Variants in WRNIP1 observed in about 807,000 individuals in gnomAD.
The protein encoded by WRNIP1 is WRN helicase interacting protein 1.
Under a neutral mutation model 56.1 loss-of-function variants are expected in WRNIP1, and 41 were observed. The observed-to-expected ratio is 0.73, with a 90% CI of 0.57 to 0.95. The LOEUF (loss-of-function observed/expected upper bound fraction) is 0.95, where lower values mean the gene tolerates loss of function less well. WRNIP1 is among the 40% of genes least tolerant of loss of function. The pLI is 0.00. For missense variants in WRNIP1, 1,170 were observed against 939.4 expected, an observed-to-expected ratio of 1.25 and a Z score of -3.21; for synonymous variants, 547 against 398.1, an observed-to-expected ratio of 1.37 and a Z score of -4.45.
rs142865401 is a variant in WRNIP1 at position 2,769,301 on chromosome 6, C to CT, written c.1014+420dup. On this transcript the variant is annotated intron_variant, in intron 2 of 6. Transcript: ENST00000380773. Reference sequence around the variant, plus strand: ...TCGGTATTTTCTGTAACTCCAGGCTCTGTCTTCAAGGTGAATGTTGGAAGA... The same window carrying CT: ...TCGGTATTTTCTGTAACTCCAGGCTCTTGTCTTCAAGGTGAATGTTGGAAGA... 3.5e-3 allele frequency among the ~76,000 whole-genome samples: 532 copies of CT among 152,162 alleles called. 2 individuals are homozygous for CT. Among genetic ancestry groups the CT allele is most frequent in the African/African-American group, 0.011 (469 of 41,496 alleles).
At chr6:2,783,956 AG>A (rs1765645617) in intron 5 of WRNIP1, among the ~76,000 whole-genome samples, 1 of 152,188 alleles carries the variant, frequency 6.6e-6, no homozygotes, top group Non-Finnish European at 1.5e-5. Context: ...CACTATATGA[AG>A]AAAAAGATCA....
intron 3 of WRNIP1, chr6:2,773,901 G>A: frequency 1.0e-6 from 1 of 985,306 alleles, no homozygotes; most frequent in Non-Finnish European, 1.2e-6. Context: ...ACAGAAAGTG[G>A]CGTCTGTCCC....
rs1482171489 is a variant in WRNIP1 at position 2,768,703 on chromosome 6, C to G, written c.835C>G (p.His279Asp). ...TCATCTTTTCTAGACCACTCTGGCT[C>G]ACATCATAGCCAGCAACAGCAAGAA... The part of the protein sequence containing the change: ...PPGCGKTTLA[H>D]IIASNSKKHS... Residue 279 changes from histidine (H) to aspartate (D), a missense_variant, in exon 2 of 7, where the codon CAC becomes GAC. Transcript: ENST00000380773. 9 of 1,609,754 alleles carry G rather than the reference C, an allele frequency of 5.6e-6. No homozygotes were observed.
chr6:2,773,818 A>C (rs160666), intron 3 of WRNIP1: 278,746 of 972,898 alleles, frequency 0.29, 40,812 homozygotes, highest in East Asian at 0.37. Context: ...GTCTTTGGAG[A>C]TCAAGAGAGT....
intron 5 of WRNIP1, among the ~76,000 whole-genome samples, chr6:2,783,782 G>A (rs761056866): frequency 1.3e-5 from 2 of 151,934 alleles, no homozygotes; most frequent in Admixed American, 6.6e-5. Context: ...GAATGTTTAT[G>A]TTCATAAAGT....
At chr6:2,771,272 C>T (rs565979330) in intron 3 of WRNIP1, among the ~76,000 whole-genome samples, 1 of 152,330 alleles carries the variant, frequency 6.6e-6, no homozygotes, top group South Asian at 2.1e-4. Flanking sequence ...CAGGCTCTCC[C>T]TATGTGTCTG....
At chr6:2,767,178 G>T (rs758148422) in intron 1 of WRNIP1, among the ~76,000 whole-genome samples, 22 of 152,210 alleles carry the variant, frequency 1.4e-4, no homozygotes, top group Non-Finnish European at 2.8e-4. Flanking sequence ...GATGAGGGCA[G>T]TTAGGATATT....
chr6:2,766,935 G>T (rs1041404781), intron 1 of WRNIP1, among the ~76,000 whole-genome samples: 3 of 152,046 alleles, frequency 2.0e-5, no homozygotes, highest in South Asian at 2.1e-4. Flanking sequence ...TAACAGACTG[G>T]TATTTATTCT....
chr6:2,781,251 A>G (rs568586018), intron 4 of WRNIP1, among the ~76,000 whole-genome samples: 1 of 152,302 alleles, frequency 6.6e-6, no homozygotes, highest in East Asian at 1.9e-4. Context: ...CCTTGTCTAT[A>G]GCTTGGAGCT....
Position 2,784,989 on chromosome 6 carries a change from C to T in WRNIP1, c.1723-18C>T, listed in dbSNP as rs756486694. 4 of 1,612,872 alleles carry T rather than the reference C, an allele frequency of 2.5e-6. No individual in the cohort carries two copies. Among genetic ancestry groups the T allele is most frequent in the Non-Finnish European group, 2.5e-6 (3 of 1,179,402 alleles). Reference sequence around the variant, plus strand: ...TTGGCATCTTGCTAGTAAAATGTGTCCTCTGTGTCATTGGTAGGTGCTTCT... The same window carrying T: ...TTGGCATCTTGCTAGTAAAATGTGTTCTCTGTGTCATTGGTAGGTGCTTCT... On this transcript the variant is annotated intron_variant, in intron 6 of 6. Coordinates refer to ENST00000380773, the MANE Select transcript of WRNIP1 (RefSeq NM_020135.3).
In WRNIP1 at chr6:2,766,312, G is replaced by C; in HGVS notation, c.690G>C (p.Thr230=). Reference sequence around the variant, plus strand: ...TACAGGGCAAGCCGCTGGCCGACACGATGCGTCCTGACACGCTGCAGGATT... The same window carrying C: ...TACAGGGCAAGCCGCTGGCCGACACCATGCGTCCTGACACGCTGCAGGATT... The part of the protein sequence containing the change: ...QMLQGKPLAD[T]MRPDTLQDYF... Residue 230 remains threonine (T), a synonymous_variant, in exon 1 of 7, where the codon ACG becomes ACC. Transcript: ENST00000380773. 1 of 1,609,988 alleles carries C rather than the reference G, an allele frequency of 6.2e-7. No homozygotes were observed. Among genetic ancestry groups the C allele is most frequent in the Non-Finnish European group, 8.5e-7 (1 of 1,178,760 alleles).
At position 2,765,674 on chromosome 6, in the gene WRNIP1, G is replaced by A; in HGVS notation, c.52G>A (p.Val18Met). The change falls in exon 1 of 7, where the codon GTG becomes ATG. Residue 18 changes from valine to methionine, a missense_variant. By Grantham distance (21) the Val-to-Met change is conservative (BLOSUM62 1). Coordinates refer to ENST00000380773, the MANE Select transcript of WRNIP1 (RefSeq NM_020135.3). ...DDPFLSQLHQ[V>M]QCPVCQQMMP... ...CCCCTTCCTTTCGCAGCTGCACCAG[G>A]TGCAGTGCCCCGTGTGCCAGCAGAT... 1.9e-6 allele frequency: 3 copies of A among 1,554,006 alleles called. No homozygotes were observed. The highest frequency in any genetic ancestry group is 2.6e-6 in the Non-Finnish European group (3 of 1,158,298).
In WRNIP1 at chr6:2,785,283, C is replaced by G; in HGVS notation, c.*1C>G. On this transcript the variant is annotated 3_prime_UTR_variant, in exon 7 of 7. Transcript: ENST00000380773. ...TTTCTTCAAGCAGAGGAGGTGCTGA[C>G]TCCTCAGGGCACGACAGCAGAAGGA... is the stretch of plus-strand genomic sequence containing the variant. The G allele has an allele frequency of 6.2e-7, 1 of 1,612,236 alleles. No homozygotes were observed. Among genetic ancestry groups the G allele is most frequent in the South Asian group, 1.1e-5 (1 of 91,068 alleles).
intron 3 of WRNIP1, chr6:2,773,391 G>GA: frequency 1.0e-6 from 1 of 985,384 alleles, no homozygotes. Context: ...CAGAATATGT[G>GA]AAATCCAGTA....
Position 2,768,801 on chromosome 6 carries a change from A to G in WRNIP1, c.933A>G (p.Gln311=), listed in dbSNP as rs1765147287. The G allele has an allele frequency of 6.2e-7, 1 of 1,613,966 alleles. No homozygotes were observed. Among genetic ancestry groups the G allele is most frequent in the Admixed American group, 1.7e-5 (1 of 59,994 alleles). ...ATGATGTGCGAGATGTCATAAAACAAGCTCAAAATGAAAAGAGCTTTTTCA... is the reference window on the plus strand; with the variant it reads ...ATGATGTGCGAGATGTCATAAAACAGGCTCAAAATGAAAAGAGCTTTTTCA... ...KTNDVRDVIK[Q]AQNEKSFFKR... The change falls in exon 2 of 7, where the codon CAA becomes CAG. Residue 311 remains glutamine, a synonymous_variant. Coordinates refer to ENST00000380773, the MANE Select transcript of WRNIP1 (RefSeq NM_020135.3).
chr6:2,766,030 G>A lies in WRNIP1; in HGVS notation c.408G>A (p.Arg136=). 1.5e-6 allele frequency: 2 copies of A among 1,317,630 alleles called. No individual in the cohort carries two copies. The highest frequency in any genetic ancestry group is 1.9e-6 in the Non-Finnish European group (2 of 1,036,276). 81.6% of individuals were successfully genotyped at this position (1,317,630 alleles called of 1,614,324 possible). The change falls in exon 1 of 7, where the codon AGG becomes AGA. Residue 136 remains arginine, a synonymous_variant. Coordinates refer to ENST00000380773, the MANE Select transcript of WRNIP1 (RefSeq NM_020135.3). ...TGGCCCGCTCCAGCAGCCCCGGGAG[G>A]AAGGGGTCGGGGAAGAGGCCGGCGG... ...FPVARSSSPG[R]KGSGKRPAAA... is the part of the protein sequence containing the mutation.
In WRNIP1 at chr6:2,766,030, G is replaced by T; in HGVS notation, c.408G>T (p.Arg136Ser). 7.6e-7 allele frequency: 1 copy of T among 1,317,630 alleles called. No individual in the cohort carries two copies. Among genetic ancestry groups the T allele is most frequent in the Non-Finnish European group, 9.6e-7 (1 of 1,036,276 alleles). 81.6% of individuals were successfully genotyped at this position (1,317,630 alleles called of 1,614,324 possible). The change falls in exon 1 of 7, where the codon AGG (arginine) becomes AGT (serine). Residue 136 changes from arginine to serine, a missense_variant. Coordinates refer to ENST00000380773, the MANE Select transcript of WRNIP1 (RefSeq NM_020135.3). ...TGGCCCGCTCCAGCAGCCCCGGGAG[G>T]AAGGGGTCGGGGAAGAGGCCGGCGG... ...FPVARSSSPGRKGSGKRPAAA... is the reference protein window; with the variant it reads ...FPVARSSSPGSKGSGKRPAAA...
intron 3 of WRNIP1, among the ~76,000 whole-genome samples, chr6:2,771,131 G>A (rs1045420803): frequency 1.3e-5 from 2 of 152,160 alleles, no homozygotes; most frequent in African/African-American, 4.8e-5. Context: ...TGTGATGAGA[G>A]GCTATTGCCC....
chr6:2,778,415 T>C (rs899991078), intron 3 of WRNIP1, among the ~76,000 whole-genome samples: 8 of 152,228 alleles, frequency 5.3e-5, no homozygotes, highest in South Asian at 2.1e-4. Flanking sequence ...TTAACTCAAC[T>C]AGGGATAGAA....
Sources: gnomAD v4.1 joint callset for allele counts (sites outside exome capture counted in the v4.1 genomes callset) on GRCh38, gnomAD v4.1.1 for gene constraint, MANE v1.5 for transcripts, NCBI Gene and HGNC (gene_info 2026-07-23, HGNC 2026-07-21) for gene names.